The following JPH3 variants were observed in gnomAD, a reference collection of about 807,000 sequenced individuals.
JPH3 encodes junctophilin-3.
JPH3 carries 11 observed loss-of-function variants against 59.6 expected under a neutral mutation model. That is an observed-to-expected ratio of 0.18 (90% CI 0.12 to 0.31). The LOEUF is 0.31. Ranked by LOEUF, JPH3 falls within the 10% of genes least tolerant of loss-of-function variation. The pLI is 1.00. For missense variants in JPH3, 1,202 were observed against 1,105.7 expected (o/e 1.09, Z -1.24); for synonymous variants, 673 against 483.6 (o/e 1.39, Z -5.14).
intron 1 of JPH3, among the ~76,000 whole-genome samples, chr16:87,634,910 T>TA (rs1474697818): frequency 6.6e-6 from 1 of 152,246 alleles, no homozygotes; most frequent in Non-Finnish European, 1.5e-5. Flanking sequence ...GGGGTTATTT[T>TA]ACCTGTCTCT....
chr16:87,616,015 C>CA (rs979156822), intron 1 of JPH3, among the ~76,000 whole-genome samples: 3 of 152,130 alleles, frequency 2.0e-5, no homozygotes, highest in African/African-American at 7.2e-5. Flanking sequence ...GCAGGGGCAC[C>CA]ACGGCCAGAG....
At chr16:87,624,409 C>G (rs141375270) in intron 1 of JPH3, among the ~76,000 whole-genome samples, 5 of 152,264 alleles carry the variant, frequency 3.3e-5, no homozygotes, top group Admixed American at 2.6e-4. Flanking sequence ...TGGAGTCATA[C>G]GCTGAGAGGC....
At chr16:87,628,181 A>T (rs2031445763) in intron 1 of JPH3, among the ~76,000 whole-genome samples, 1 of 152,254 alleles carries the variant, frequency 6.6e-6, no homozygotes, top group African/African-American at 2.4e-5. Context: ...AGAAGCCAGC[A>T]GGACGCCCAG....
At position 87,645,000 on chromosome 16, in the gene JPH3, C is replaced by T; in HGVS notation, c.1125C>T (p.Thr375=). The change falls in exon 2 of 5, where the codon ACC becomes ACT. Residue 375 remains threonine, a synonymous_variant. Coordinates refer to ENST00000284262, the MANE Select transcript of JPH3 (RefSeq NM_020655.4). The stretch of plus-strand genomic sequence containing the variant: ...TTGAGGCCGCTGAGCGGGCCGCCAC[C>T]ATCGCCAAGCAGAAGGCTGAGATCG... The part of the protein sequence containing the change: ...RAVEAAERAA[T]IAKQKAEIAA... 1.2e-6 allele frequency: 2 copies of T among 1,606,700 alleles called. No homozygotes were observed. Among genetic ancestry groups the T allele is most frequent in the Non-Finnish European group, 1.7e-6 (2 of 1,179,520 alleles).
At chr16:87,668,548 C>T (rs565824091) in intron 2 of JPH3, among the ~76,000 whole-genome samples, 2 of 152,198 alleles carry the variant, frequency 1.3e-5, no homozygotes, top group African/African-American at 4.8e-5. Flanking sequence ...GCAGTTTCCT[C>T]TTCTATAAAT....
chr16:87,675,364 A>ACCCCGTCCAGACCAGCCT (rs1045738916), intron 2 of JPH3, among the ~76,000 whole-genome samples: 1 of 151,840 alleles, frequency 6.6e-6, no homozygotes, highest in Non-Finnish European at 1.5e-5. Flanking sequence ...TGCTCCAGTG[A>ACCCCGTCCAGACCAGCCT]CCCCGTCCAG....
chr16:87,643,809 G>C (rs1011847586), intron 1 of JPH3, among the ~76,000 whole-genome samples: 2 of 152,014 alleles, frequency 1.3e-5, no homozygotes, highest in South Asian at 2.1e-4. Flanking sequence ...AGGTACCATG[G>C]TCTGTCTGCC....
intron 1 of JPH3, among the ~76,000 whole-genome samples, chr16:87,617,867 A>G (rs1386770449): frequency 2.6e-5 from 4 of 151,992 alleles, no homozygotes; most frequent in African/African-American, 7.3e-5. Context: ...GGCATTGAAT[A>G]GTGCGAGGGG....
chr16:87,690,303 G>A lies in JPH3; in HGVS notation c.1943G>A (p.Arg648Gln), dbSNP rs776382406. Reference protein sequence around the residue: ...GLGDDHRPEDRGFGVQRLRSK... With the variant: ...GLGDDHRPEDQGFGVQRLRSK... Reference sequence around the variant, plus strand: ...GGGGACGACCACCGCCCCGAGGACCGGGGCTTCGGGGTGCAGAGACTGCGG... The same window carrying A: ...GGGGACGACCACCGCCCCGAGGACCAGGGCTTCGGGGTGCAGAGACTGCGG... Residue 648 changes from arginine to glutamine, a missense_variant, in exon 4 of 5, where the codon CGG (arginine) becomes CAG (glutamine). Physicochemically the swap from Arg to Gln is conservative, Grantham distance 43. Coordinates refer to ENST00000284262, the MANE Select transcript of JPH3 (RefSeq NM_020655.4). 6.3e-6 allele frequency: 10 copies of A among 1,594,626 alleles called. No individual in the cohort carries two copies. Among genetic ancestry groups the A allele is most frequent in the East Asian group, 4.6e-5 (2 of 43,892 alleles).
chr16:87,631,139 AATGT>A (rs1014741606), intron 1 of JPH3, among the ~76,000 whole-genome samples: 14 of 152,254 alleles, frequency 9.2e-5, no homozygotes, highest in Non-Finnish European at 1.8e-4. Flanking sequence ...AATACACACA[AATGT>A]ACAAATACGT....
chr16:87,645,776 A>G (rs1020661094), intron 2 of JPH3, among the ~76,000 whole-genome samples: 7 of 151,800 alleles, frequency 4.6e-5, no homozygotes, highest in Non-Finnish European at 8.8e-5. Flanking sequence ...TGTGGAGGTG[A>G]GTGTGTGAGC....
At chr16:87,679,148 C>G (rs535398754) in intron 2 of JPH3, among the ~76,000 whole-genome samples, 1 of 152,216 alleles carries the variant, frequency 6.6e-6, no homozygotes, top group African/African-American at 2.4e-5. Flanking sequence ...GAGAGCTCCT[C>G]GACCTCCTGC....
intron 4 of JPH3, among the ~76,000 whole-genome samples, chr16:87,692,219 G>GTCTCCCTCCCCGTCTCCCTCCCCA (rs2033608102): frequency 1.5e-5 from 2 of 129,238 alleles, no homozygotes; most frequent in South Asian, 2.5e-4. Context: ...CTCCCTCCCC[G>GTCTCCCTCCCCGTCTCCCTCCCCA]TCTCCCTCCC....
chr16:87,674,077 G>A (rs2033084609), intron 2 of JPH3, among the ~76,000 whole-genome samples: 1 of 151,532 alleles, frequency 6.6e-6, no homozygotes, highest in African/African-American at 2.4e-5. Flanking sequence ...GCTCACGCCT[G>A]TAATCCCAAC....
chr16:87,657,963 C>G (rs912982147), intron 2 of JPH3, among the ~76,000 whole-genome samples: 3 of 152,192 alleles, frequency 2.0e-5, no homozygotes, highest in African/African-American at 7.2e-5. Context: ...CCAACCTGGC[C>G]TCACAGTGGT....
At chr16:87,628,277 C>G (rs991449999) in intron 1 of JPH3, among the ~76,000 whole-genome samples, 2 of 152,252 alleles carry the variant, frequency 1.3e-5, no homozygotes, top group Admixed American at 6.5e-5. Context: ...CAGGACCCTT[C>G]CACGGCCCAG....
At chr16:87,688,776 C>T (rs2033480802) in intron 3 of JPH3, among the ~76,000 whole-genome samples, 1 of 152,170 alleles carries the variant, frequency 6.6e-6, no homozygotes, top group Non-Finnish European at 1.5e-5. Context: ...TAACTGTTCC[C>T]CGGAGGGTAA....
chr16:87,632,526 A>T (rs1048878488), intron 1 of JPH3, among the ~76,000 whole-genome samples: 2 of 152,134 alleles, frequency 1.3e-5, no homozygotes, highest in Admixed American at 1.3e-4. Flanking sequence ...CGCAGCCTCA[A>T]TCTCCTGGGC....
At chr16:87,650,116 C>T (rs578048539) in intron 2 of JPH3, among the ~76,000 whole-genome samples, 16 of 152,338 alleles carry the variant, frequency 1.1e-4, no homozygotes, top group African/African-American at 3.8e-4. Flanking sequence ...GTTTGTGGCA[C>T]CCGTGCATGG....
Sources: gnomAD v4.1 joint callset for allele counts (sites outside exome capture counted in the v4.1 genomes callset) on GRCh38, gnomAD v4.1.1 for gene constraint, MANE v1.5 for transcripts, NCBI Gene and HGNC (gene_info 2026-07-23, HGNC 2026-07-21) for gene names.